The following VPS26A variants were observed in gnomAD, a reference collection of about 807,000 sequenced individuals.
The protein encoded by VPS26A is vacuolar protein sorting-associated protein 26A.
Under a neutral mutation model 42.4 loss-of-function variants are expected in VPS26A, and 22 were observed. The observed-to-expected ratio is 0.52, with a 90% CI of 0.37 to 0.74. The LOEUF is 0.74. Ranked by LOEUF, VPS26A falls within the 30% of genes least tolerant of loss-of-function variation. VPS26A has a pLI of 0.00. For synonymous variants in VPS26A, 110 were observed against 123.5 expected, an observed-to-expected ratio of 0.89 and a Z score of 0.73; for missense variants, 276 against 379.2, an observed-to-expected ratio of 0.73 and a Z score of 2.26.
At chr10:69,151,276 A>AAAAAAAAACAAAAAC (rs1554854511) in intron 2 of VPS26A, among the ~76,000 whole-genome samples, 1 of 69,030 alleles carries the variant, frequency 1.4e-5, no homozygotes, top group Non-Finnish European at 3.8e-5. Flanking sequence ...AAAAAAAAAA[A>AAAAAAAAACAAAAAC]AAAAAAACAC....
intron 2 of VPS26A, among the ~76,000 whole-genome samples, chr10:69,135,595 T>C (rs138601545): frequency 5.1e-4 from 77 of 152,268 alleles, no homozygotes; most frequent in Non-Finnish European, 9.0e-4. Flanking sequence ...AGTAAATAAT[T>C]TTTTTAAAAA....
At chr10:69,146,956 G>A (rs1241441681) in intron 2 of VPS26A, among the ~76,000 whole-genome samples, 1 of 152,040 alleles carries the variant, frequency 6.6e-6, no homozygotes, top group Non-Finnish European at 1.5e-5. Flanking sequence ...AGAATTGCTG[G>A]GTCATATGTT....
intron 1 of VPS26A, among the ~76,000 whole-genome samples, chr10:69,126,424 A>G (rs1045044500): frequency 2.0e-5 from 3 of 152,296 alleles, no homozygotes; most frequent in Non-Finnish European, 4.4e-5. Flanking sequence ...AAATAAAAAA[A>G]TTAGGTGTGG....
At chr10:69,151,473 A>C (rs1184657535) in intron 2 of VPS26A, among the ~76,000 whole-genome samples, 1 of 140,602 alleles carries the variant, frequency 7.1e-6, no homozygotes, top group African/African-American at 2.5e-5. Flanking sequence ...AAAAAAAAAA[A>C]ATTCTTGACC....
At chr10:69,131,965 C>T (rs2132187435) in intron 1 of VPS26A, among the ~76,000 whole-genome samples, 1 of 152,232 alleles carries the variant, frequency 6.6e-6, no homozygotes, top group African/African-American at 2.4e-5. Flanking sequence ...TTATATTTGT[C>T]ATATTCAGGA....
chr10:69,167,003 T>G (rs1454787569), intron 7 of VPS26A, among the ~76,000 whole-genome samples: 1 of 151,902 alleles, frequency 6.6e-6, no homozygotes, highest in Non-Finnish European at 1.5e-5. Flanking sequence ...GGTGCACGTC[T>G]GTCATCCCAG....
At chr10:69,154,576 G>A (rs987416188) in intron 2 of VPS26A, among the ~76,000 whole-genome samples, 1 of 151,984 alleles carries the variant, frequency 6.6e-6, no homozygotes, top group Non-Finnish European at 1.5e-5. Context: ...TTAAAGATGA[G>A]TTTGTGGCCA....
At chr10:69,133,625 T>G (rs950507092) in intron 2 of VPS26A, 1 of 1,286,966 alleles carries the variant, frequency 7.8e-7, no homozygotes, top group South Asian at 1.2e-5. Context: ...TTTTTTCCCC[T>G]TTTCTTTATC....
chr10:69,167,503 A>C (rs1202200940), intron 7 of VPS26A, among the ~76,000 whole-genome samples: 1 of 152,056 alleles, frequency 6.6e-6, no homozygotes, highest in Admixed American at 6.6e-5. Context: ...TGGGAGGCCA[A>C]GGTGGGTGGA....
At chr10:69,160,216 A>G (rs1007586443) in intron 5 of VPS26A, among the ~76,000 whole-genome samples, 4 of 151,512 alleles carry the variant, frequency 2.6e-5, no homozygotes, top group South Asian at 2.1e-4. Flanking sequence ...CTGGAGTGCA[A>G]TGGCGTGATC....
intron 1 of VPS26A, among the ~76,000 whole-genome samples, chr10:69,126,411 TA>T (rs1261743367): frequency 1.3e-5 from 2 of 152,022 alleles, no homozygotes; most frequent in East Asian, 3.9e-4. Flanking sequence ...CCGTCTCAAC[TA>T]AAAATAAAAA....
intron 1 of VPS26A, among the ~76,000 whole-genome samples, chr10:69,129,350 C>T (rs1840726561): frequency 6.6e-6 from 1 of 152,086 alleles, no homozygotes; most frequent in Non-Finnish European, 1.5e-5. Context: ...TCAGAATTTA[C>T]CATTTTGAGT....
chr10:69,151,288 C>T, intron 2 of VPS26A, among the ~76,000 whole-genome samples: 1 of 95,390 alleles, frequency 1.0e-5, no homozygotes, highest in Non-Finnish European at 2.0e-5. Context: ...AAAAAACACA[C>T]ACACACACAC....
At chr10:69,133,195 T>A in intron 2 of VPS26A, 148 bp downstream of exon 2, 1 of 841,566 alleles carries the variant, frequency 1.2e-6, no homozygotes, top group Non-Finnish European at 1.7e-6. Flanking sequence ...TTTGATTGAT[T>A]AGAAGATAAT....
At chr10:69,124,337 G>A in intron 1 of VPS26A, 57 bp downstream of exon 1, 1 of 1,232,982 alleles carries the variant, frequency 8.1e-7, no homozygotes, top group African/African-American at 1.6e-5. Flanking sequence ...AGCGCGCGGC[G>A]GGCCGGCCAA....
rs576987019 is a variant in VPS26A, at chr10:69,172,881, G to T, written c.*1612G>T. The T allele has an allele frequency of 6.6e-6, 1 of 152,450 alleles. No individual in the cohort carries two copies. Among genetic ancestry groups the T allele is most frequent in the South Asian group, 2.1e-4 (1 of 4,828 alleles). 9.4% of individuals were successfully genotyped at this position (152,450 alleles called of 1,614,324 possible). On this transcript the variant is annotated 3_prime_UTR_variant, in exon 9 of 9. Transcript: ENST00000263559. ...CAGAAACTGAGCTTGCTGTTTGCAT[G>T]ATTAAAATAGCTCTGTTCTCAAATC... is the stretch of plus-strand genomic sequence containing the variant.
chr10:69,166,594 T>C (rs1419363210), intron 7 of VPS26A, among the ~76,000 whole-genome samples: 1 of 152,208 alleles, frequency 6.6e-6, no homozygotes, highest in Non-Finnish European at 1.5e-5. Context: ...TCTTCACTAT[T>C]TGTGCTTACA....
rs1841742987 is a variant in VPS26A at position 69,168,518 on chromosome 10, G to A, written c.757G>A (p.Ala253Thr). 6.2e-7 allele frequency: 1 copy of A among 1,611,816 alleles called. No individual in the cohort carries two copies. The highest frequency in any genetic ancestry group is 1.3e-5 in the African/African-American group (1 of 74,862). The part of the protein sequence containing the change: ...GESIPIRLFL[A>T]GYDPTPTMRD... Reference sequence around the variant, plus strand: ...ATCAATTCCAATAAGGCTATTTTTAGCAGGATATGACCCAACTCCAACAAT... The same window carrying A: ...ATCAATTCCAATAAGGCTATTTTTAACAGGATATGACCCAACTCCAACAAT... Residue 253 changes from alanine (A) to threonine (T), a missense_variant, in exon 8 of 9, where the codon GCA becomes ACA. By Grantham distance (58) the Ala-to-Thr change is moderately conservative (BLOSUM62 0). Transcript: ENST00000263559.
intron 2 of VPS26A, among the ~76,000 whole-genome samples, chr10:69,137,601 C>G (rs1198541847): frequency 6.6e-6 from 1 of 152,090 alleles, no homozygotes; most frequent in African/African-American, 2.4e-5. Context: ...TTTTAAAGAG[C>G]TTACCTGGTT....
Sources: gnomAD v4.1 joint callset for allele counts (sites outside exome capture counted in the v4.1 genomes callset) on GRCh38, gnomAD v4.1.1 for gene constraint, MANE v1.5 for transcripts, NCBI Gene and HGNC (gene_info 2026-07-23, HGNC 2026-07-21) for gene names.